GSK3B: variants seen among roughly 807,000 people sequenced by gnomAD.
GSK3B encodes glycogen synthase kinase-3 beta.
GSK3B carries 15 observed loss-of-function variants against 56.4 expected under a neutral mutation model. The ratio of observed to expected loss-of-function variants is 0.27; its 90% CI spans 0.18 to 0.41. The LOEUF (loss-of-function observed/expected upper bound fraction) is 0.41, where lower values mean the gene tolerates loss of function less well. Ranked by LOEUF, GSK3B falls within the 10% of genes least tolerant of loss-of-function variation. The pLI is 1.00. For synonymous variants in GSK3B, 181 were observed against 188.9 expected, an observed-to-expected ratio of 0.96 and a Z score of 0.34; for missense variants, 300 against 513.4, an observed-to-expected ratio of 0.58 and a Z score of 4.02.
At chr3:119,985,125 C>G (rs527618866) in intron 2 of GSK3B, among the ~76,000 whole-genome samples, 3 of 152,080 alleles carry the variant, frequency 2.0e-5, no homozygotes, top group Admixed American at 1.3e-4. Flanking sequence ...AAAAGGCCTT[C>G]GACAAAATTC....
chr3:119,824,351 A>G lies in GSK3B; in HGVS notation c.*2437T>C, dbSNP rs1333396023. 3 of 215,424 alleles carry G rather than the reference A, an allele frequency of 1.4e-5. No homozygotes were observed. The highest frequency in any genetic ancestry group is 1.9e-4 in the South Asian group (1 of 5,240). The allele number at this position is 215,424 out of a possible 1,614,324, so 13.3% of individuals were successfully genotyped here. ...TCAGCACACACACACACACACACAC[A>G]CGCACACATGCACACACAATGAAAT... is the stretch of plus-strand genomic sequence containing the variant. On this transcript the variant is annotated 3_prime_UTR_variant, in exon 11 of 11. Coordinates refer to ENST00000264235, the MANE Select transcript of GSK3B (RefSeq NM_001146156.2).
At chr3:119,930,742 G>A (rs986685574) in intron 3 of GSK3B, among the ~76,000 whole-genome samples, 1 of 152,188 alleles carries the variant, frequency 6.6e-6, no homozygotes, top group South Asian at 2.1e-4. Context: ...AAAAAACACT[G>A]AGATGCAACC....
chr3:119,939,465 A>G (rs1373657464), intron 3 of GSK3B, among the ~76,000 whole-genome samples: 3 of 152,184 alleles, frequency 2.0e-5, no homozygotes, highest in Non-Finnish European at 2.9e-5. Context: ...AACATCTCCA[A>G]TGCTAATTGA....
At chr3:120,005,770 A>C (rs185069415) in intron 1 of GSK3B, among the ~76,000 whole-genome samples, 19 of 152,312 alleles carry the variant, frequency 1.2e-4, no homozygotes, top group Non-Finnish European at 1.3e-4. Context: ...AGAGCTCCTG[A>C]AGGAAGCACT....
intron 10 of GSK3B, among the ~76,000 whole-genome samples, chr3:119,833,210 T>C (rs1226535754): frequency 7.1e-6 from 1 of 141,224 alleles, no homozygotes; most frequent in Non-Finnish European, 1.5e-5. Flanking sequence ...GGAAGGAGAG[T>C]GAATGGAAGG....
At chr3:120,028,984 G>A (rs1395425908) in intron 1 of GSK3B, 2 of 590,682 alleles carry the variant, frequency 3.4e-6, no homozygotes, top group Non-Finnish European at 6.3e-6. Context: ...TCCTCCTGTG[G>A]AAGAAACGGC....
chr3:119,999,893 C>A (rs141460876), intron 2 of GSK3B, among the ~76,000 whole-genome samples: 1 of 152,080 alleles, frequency 6.6e-6, no homozygotes, highest in Admixed American at 6.6e-5. Flanking sequence ...GAAGTTTCTG[C>A]GTACACAAGT....
intron 1 of GSK3B, among the ~76,000 whole-genome samples, chr3:120,087,293 G>A (rs2058470899): frequency 6.6e-6 from 1 of 152,198 alleles, no homozygotes; most frequent in South Asian, 2.1e-4. Flanking sequence ...AGCACTTTGG[G>A]AGGCCGAGGT....
Position 120,051,127 on chromosome 3 carries a change from C to CTTT in GSK3B, c.88+42217_88+42219dup, listed in dbSNP as rs72305100. Among the ~76,000 whole-genome samples, 154 of 138,674 alleles carry CTTT rather than the reference C, an allele frequency of 1.1e-3. 2 individuals carry two copies. The highest frequency in any genetic ancestry group is 2.4e-4 in the Non-Finnish European group (15 of 63,822). The allele number at this position is 138,674 out of a possible 152,430, so 91.0% of individuals were successfully genotyped here. On this transcript the variant is annotated intron_variant, in intron 1 of 10. Transcript: ENST00000264235. The stretch of plus-strand genomic sequence containing the variant: ...CACTCCAGATGCTGTCTATCAATTT[C>CTTT]TTTTTTTTTTTTTTTAATGATGGAG...
intron 9 of GSK3B, among the ~76,000 whole-genome samples, chr3:119,855,836 G>C (rs2056014781): frequency 6.6e-6 from 1 of 152,080 alleles, no homozygotes; most frequent in African/African-American, 2.4e-5. Context: ...TCGTGCGGTG[G>C]GGGGAGGGGG....
chr3:119,833,816 G>A lies in GSK3B; in HGVS notation c.1196-6961C>T, dbSNP rs555797699. 4.7e-5 allele frequency among the ~76,000 whole-genome samples: 7 copies of A among 149,834 alleles called. No homozygotes were observed. In the South Asian group the frequency reaches 6.4e-4, roughly 14 times the overall value. On this transcript the variant is annotated intron_variant, in intron 10 of 10. Transcript: ENST00000264235. ...GTTCAAGGGATTCTCCTGGCTTCCC[G>A]AGTAGCTGGGATTAAACAGGCACGC...
intron 7 of GSK3B, among the ~76,000 whole-genome samples, chr3:119,902,998 A>C (rs935580425): frequency 1.3e-5 from 2 of 152,180 alleles, no homozygotes; most frequent in Non-Finnish European, 2.9e-5. Flanking sequence ...TACAGGCGTG[A>C]ACTACGGCCC....
At chr3:120,057,935 T>C (rs867681323) in intron 1 of GSK3B, among the ~76,000 whole-genome samples, 2 of 152,042 alleles carry the variant, frequency 1.3e-5, no homozygotes, top group Admixed American at 1.3e-4. Flanking sequence ...ATACCACCTG[T>C]ACATCAAAGG....
At chr3:119,984,486 AAAG>A (rs1270502260) in intron 2 of GSK3B, among the ~76,000 whole-genome samples, 3 of 152,194 alleles carry the variant, frequency 2.0e-5, no homozygotes, top group Non-Finnish European at 2.9e-5. Context: ...ATAAAGAAGA[AAAG>A]AGAGAAGAAT....
intron 7 of GSK3B, among the ~76,000 whole-genome samples, chr3:119,883,659 T>C (rs902819311): frequency 1.3e-5 from 2 of 152,176 alleles, no homozygotes; most frequent in Non-Finnish European, 2.9e-5. Context: ...GTGTTGACCC[T>C]TGATCTAGTA....
At chr3:119,997,027 A>T (rs1032848153) in intron 2 of GSK3B, among the ~76,000 whole-genome samples, 1 of 152,226 alleles carries the variant, frequency 6.6e-6, no homozygotes, top group Non-Finnish European at 1.5e-5. Context: ...ACCCTATATG[A>T]AAATCAGTGT....
intron 3 of GSK3B, among the ~76,000 whole-genome samples, chr3:119,930,422 G>T (rs1219436341): frequency 1.3e-5 from 2 of 151,904 alleles, no homozygotes; most frequent in Admixed American, 6.6e-5. Context: ...AAAAAAAAAT[G>T]TGCTTGTCAA....
intron 1 of GSK3B, among the ~76,000 whole-genome samples, chr3:120,053,504 T>C (rs769892785): frequency 4.6e-5 from 7 of 152,164 alleles, no homozygotes; most frequent in South Asian, 2.1e-4. Context: ...TTTGTAGTAA[T>C]AGGGACTACT....
At chr3:119,852,493 A>G (rs2055945982) in intron 9 of GSK3B, among the ~76,000 whole-genome samples, 1 of 151,796 alleles carries the variant, frequency 6.6e-6, no homozygotes, top group African/African-American at 2.4e-5. Flanking sequence ...GATTACAGGC[A>G]CCCACCACCA....
Sources: gnomAD v4.1 joint callset for allele counts (sites outside exome capture counted in the v4.1 genomes callset) on GRCh38, gnomAD v4.1.1 for gene constraint, MANE v1.5 for transcripts, NCBI Gene and HGNC (gene_info 2026-07-23, HGNC 2026-07-21) for gene names.